GRHL3: variants seen among roughly 807,000 people sequenced by gnomAD.
GRHL3 encodes the protein grainyhead like transcription factor 3.
In GRHL3, 20 loss-of-function variants were observed where a neutral mutation model predicts 70.3. The observed-to-expected ratio is 0.28, with a 90% confidence interval of 0.20 to 0.41. The LOEUF is 0.41. GRHL3 is among the 10% of genes least tolerant of loss of function. GRHL3 has a pLI of 1.00. For missense variants in GRHL3, 637 were observed against 762.3 expected (o/e 0.84, Z 1.94); for synonymous variants, 299 against 299.9 (o/e 1.00, Z 0.03).
At chr1:24,351,815 G>A (rs1455622035) in intron 15 of GRHL3, among the ~76,000 whole-genome samples, 1 of 152,282 alleles carries the variant, frequency 6.6e-6, no homozygotes, top group Non-Finnish European at 1.5e-5. Flanking sequence ...GCCAGGCACT[G>A]GGCTGCATCA....
chr1:24,357,946 A>T, downstream of GRHL3: 1 of 343,124 alleles, frequency 2.9e-6, no homozygotes, highest in South Asian at 2.3e-5. Context: ...GTCTAAAAGG[A>T]GTAAAGAGAG....
Position 24,361,700 on chromosome 1 carries a change from G to A in GRHL3, c.1695-2485G>A, listed in dbSNP as rs148040881. Among the ~76,000 whole-genome samples the A allele has an allele frequency of 2.6e-3, 390 of 152,192 alleles. 5 individuals carry two copies. Among genetic ancestry groups the A allele is most frequent in the African/African-American group, 8.3e-3 (344 of 41,522 alleles). On this transcript the variant is annotated intron_variant, in intron 15 of 15. Coordinates refer to the GRHL3 transcript ENST00000350501. ...TGCATAACCCTTTACCACTCACACC[G>A]CCATTGTTTTCAAGTCTGTCTTCCC...
chr1:24,331,427 T>G lies in GRHL3; in HGVS notation c.19T>G (p.Phe7Val). 1 of 1,609,466 alleles carries G rather than the reference T, an allele frequency of 6.2e-7. No individual in the cohort carries two copies. Among genetic ancestry groups the G allele is most frequent in the Non-Finnish European group, 8.5e-7 (1 of 1,177,200 alleles). Residue 7 changes from phenylalanine (F) to valine (V), a missense_variant and splice_region_variant, in exon 2 of 16, where the codon TTC becomes GTC. Transcript: ENST00000361548. MSNELD[F>V]RSVRLLKNDP... is the part of the protein sequence containing the mutation. ...TTGACTCTCCTTACTTGCATTCAGT[T>G]TCAGGTCTGTGCGGCTGCTAAAGAA...
intron 14 of GRHL3, among the ~76,000 whole-genome samples, chr1:24,348,045 T>C (rs1640361128): frequency 6.6e-6 from 1 of 152,082 alleles, no homozygotes; most frequent in Non-Finnish European, 1.5e-5. Flanking sequence ...AGCCCAGTCC[T>C]GAATAAAACC....
exon 16 of GRHL3, chr1:24,364,353 C>T (rs1472574145): frequency 6.5e-7 from 1 of 1,544,948 alleles, no homozygotes; most frequent in Admixed American, 2.0e-5. Flanking sequence ...GCCTGCACTT[C>T]ACTGTAAACT....
intron 7 of GRHL3, 85 bp from the exon 8 acceptor site, chr1:24,339,583 G>A (rs557686260): frequency 2.2e-6 from 2 of 900,098 alleles, no homozygotes; most frequent in South Asian, 1.7e-5. Context: ...CCGGCCGAGT[G>A]AGGCCCAGTT....
chr1:24,346,402 G>C, intron 12 of GRHL3, 151 bp from the exon 13 acceptor site: 1 of 596,012 alleles, frequency 1.7e-6, no homozygotes, highest in Admixed American at 2.7e-5. Flanking sequence ...TCCAACTCCA[G>C]ACCTGCTGCT....
In GRHL3 at chr1:24,337,134, C is replaced by T. The variant is rs1569882885; in HGVS notation, c.669C>T (p.Asp223=). Residue 223 remains aspartate, a synonymous_variant, in exon 5 of 16, where the codon GAC becomes GAT. Coordinates refer to ENST00000361548, the MANE Select transcript of GRHL3 (RefSeq NM_198173.3). ...CCCCGGAACCCCCATGTCCAGAGGA[C>T]TACCCCAGCCTCAAAAGGTAACTTG... is the stretch of plus-strand genomic sequence containing the variant. ...KTSPEPPCPE[D]YPSLKSDFEY... is the part of the protein sequence containing the mutation. The T allele has an allele frequency of 6.2e-7, 1 of 1,613,880 alleles. No homozygotes were observed. Among genetic ancestry groups the T allele is most frequent in the African/African-American group, 1.3e-5 (1 of 75,040 alleles).
intron 14 of GRHL3, 41 bp from the exon 15 acceptor site, chr1:24,350,017 C>T (rs755872515): frequency 1.6e-5 from 24 of 1,471,368 alleles, no homozygotes; most frequent in South Asian, 8.1e-5. Context: ...ATAAATCTAG[C>T]GTGGGCAGCA....
intron 2 of GRHL3, among the ~76,000 whole-genome samples, chr1:24,333,752 T>C (rs2148653611): frequency 1.3e-5 from 2 of 152,172 alleles, no homozygotes; most frequent in East Asian, 3.9e-4. Flanking sequence ...ACTAAGACAA[T>C]AGAGTCTCTC....
At chr1:24,336,363 G>T in intron 3 of GRHL3, 119 bp from the exon 4 acceptor site, 6 of 664,478 alleles carry the variant, frequency 9.0e-6, no homozygotes, top group Non-Finnish European at 1.6e-5. Context: ...GTGCATGCTG[G>T]ATGGACCTAA....
chr1:24,322,878 TGC>T lies in GRHL3; in HGVS notation c.17+3312_17+3313del, dbSNP rs1474271565. ...TCTTTAAACCCTCCCAACAAACTAA[TGC>T]GGGATGGGAGTGTAAATGCAGTTTT... On this transcript the variant is annotated intron_variant, in intron 1 of 15. Coordinates refer to ENST00000361548, the MANE Select transcript of GRHL3 (RefSeq NM_198173.3). This position sits in a 1 kb window ranked among gnomAD's most constrained non-coding sequence, Gnocchi z 4.4. 3.3e-5 allele frequency among the ~76,000 whole-genome samples: 5 copies of T among 152,298 alleles called. No homozygotes were observed. The East Asian group carries it at 9.7e-4, about 29-fold the overall frequency.
rs1557705731 is a variant in GRHL3 at position 24,350,227 on chromosome 1, G to A, written c.1694+105G>A. ...AGGGGATGTGGAGTTGGGGTGGAGA[G>A]CTCCCCAGCCAGGCCAAAGCCACTG... On this transcript the variant is annotated intron_variant, in intron 15 of 15. Coordinates refer to ENST00000361548, the MANE Select transcript of GRHL3 (RefSeq NM_198173.3). The A allele has an allele frequency of 3.4e-6, 3 of 885,786 alleles. No individual in the cohort carries two copies. In the African/African-American group the frequency reaches 5.0e-5, roughly 15 times the overall value. The allele number at this position is 885,786 out of a possible 1,614,324, so 54.9% of individuals were successfully genotyped here.
Position 24,336,835 on chromosome 1 carries a change from C to T in GRHL3, c.612+8C>T, listed in dbSNP as rs774101755. On this transcript the variant is annotated splice_region_variant and intron_variant, in intron 4 of 15. Transcript: ENST00000361548. The stretch of plus-strand genomic sequence containing the variant: ...AAAGATGACCCACAGGAGGTGAGGG[C>T]GCATCCCCGCTCCCCTATAGCATAG... 8.2e-6 allele frequency: 13 copies of T among 1,577,652 alleles called. No homozygotes were observed. The highest frequency in any genetic ancestry group is 1.2e-5 in the South Asian group (1 of 86,612).
chr1:24,360,845 T>C (rs1409809428), intron 15 of GRHL3: 2 of 1,605,476 alleles, frequency 1.2e-6, no homozygotes, highest in Non-Finnish European at 1.7e-6. Flanking sequence ...AAAACAATCC[T>C]CTGACCTGGG....
downstream of GRHL3, chr1:24,355,358 G>T (rs1303462130): frequency 6.6e-6 from 1 of 152,510 alleles, no homozygotes; most frequent in Non-Finnish European, 1.5e-5. Flanking sequence ...AGAGTCTGCT[G>T]GAAAGAGATG....
intron 15 of GRHL3, among the ~76,000 whole-genome samples, chr1:24,353,683 C>A (rs960131183): frequency 3.3e-5 from 5 of 152,234 alleles, no homozygotes; most frequent in African/African-American, 9.6e-5. Context: ...CAAGTCACAT[C>A]TTGGTGGGTC....
intron 8 of GRHL3, among the ~76,000 whole-genome samples, chr1:24,340,243 G>A (rs1408417756): frequency 5.3e-5 from 8 of 152,206 alleles, no homozygotes; most frequent in East Asian, 1.9e-4. Context: ...GCAGAATGTC[G>A]CATGCAGGAG....
chr1:24,337,108 T>C lies in GRHL3; in HGVS notation c.643T>C (p.Ser215Pro). 6.2e-7 allele frequency: 1 copy of C among 1,614,024 alleles called. No individual in the cohort carries two copies. The highest frequency in any genetic ancestry group is 8.5e-7 in the Non-Finnish European group (1 of 1,179,952). Residue 215 changes from serine to proline, a missense_variant, in exon 5 of 16, where the codon TCC becomes CCC. By Grantham distance (74) the Ser-to-Pro change is moderately conservative. Transcript: ENST00000361548. ...GCTCTTCCCAGATATCCTGAAAACC[T>C]CCCCGGAACCCCCATGTCCAGAGGA... ...SMLFPDILKT[S>P]PEPPCPEDYP... is the part of the protein sequence containing the mutation.
Sources: allele counts gnomAD v4.1 joint callset (sites outside exome capture counted in the v4.1 genomes callset), GRCh38; gene constraint gnomAD v4.1.1; non-coding constraint Gnocchi (gnomAD v3.1); transcripts MANE v1.5; gene names NCBI Gene and HGNC (gene_info 2026-07-23, HGNC 2026-07-21).